SLIT3: variants seen among roughly 807,000 people sequenced by gnomAD.
SLIT3 encodes the protein slit guidance ligand 3.
Under a neutral mutation model 184.0 loss-of-function variants are expected in SLIT3, and 68 were observed. The observed-to-expected ratio is 0.37, with a 90% confidence interval of 0.30 to 0.45. The LOEUF (loss-of-function observed/expected upper bound fraction) is 0.45. Ranked by LOEUF, SLIT3 falls within the 20% of genes least tolerant of loss-of-function variation. SLIT3 has a pLI of 1.00. For missense variants in SLIT3, 1,707 were observed against 2,026.0 expected, an observed-to-expected ratio of 0.84 and a Z score of 3.02; for synonymous variants, 831 against 828.6, an observed-to-expected ratio of 1.00 and a Z score of -0.05.
intron 3 of SLIT3, among the ~76,000 whole-genome samples, chr5:169,215,151 C>T (rs949620946): frequency 6.6e-6 from 1 of 152,128 alleles, no homozygotes; most frequent in South Asian, 2.1e-4. Flanking sequence ...TGTTTTAATC[C>T]TACCTGGAAA....
At chr5:168,908,740 C>G (rs913401720) in intron 4 of SLIT3, among the ~76,000 whole-genome samples, 1 of 152,192 alleles carries the variant, frequency 6.6e-6, no homozygotes, top group East Asian at 1.9e-4. Flanking sequence ...ATCCTGAAAT[C>G]ATACGAAAAG....
At chr5:168,779,171 G>T (rs750553983) in intron 12 of SLIT3, among the ~76,000 whole-genome samples, 4 of 152,172 alleles carry the variant, frequency 2.6e-5, no homozygotes, top group Non-Finnish European at 5.9e-5. Context: ...TTTGACCAAA[G>T]TTCCACAACC....
At chr5:168,899,353 G>A (rs4516872) in intron 4 of SLIT3, among the ~76,000 whole-genome samples, 418 of 152,122 alleles carry the variant, frequency 2.7e-3, no homozygotes, top group African/African-American at 9.7e-3. Flanking sequence ...CCATCACTAC[G>A]AAAAATAAAA....
intron 23 of SLIT3, among the ~76,000 whole-genome samples, chr5:168,715,086 G>A (rs1762677150): frequency 6.6e-6 from 1 of 152,210 alleles, no homozygotes; most frequent in African/African-American, 2.4e-5. Flanking sequence ...AGCAGGCTAA[G>A]CTATTCCCAG....
intron 1 of SLIT3, among the ~76,000 whole-genome samples, chr5:169,298,125 C>T (rs1767569267): frequency 6.6e-6 from 1 of 152,136 alleles, no homozygotes; most frequent in African/African-American, 2.4e-5. Flanking sequence ...CTTGCTCCTA[C>T]AGACTGTCCC....
chr5:169,091,597 C>T (rs1193957588), intron 4 of SLIT3, among the ~76,000 whole-genome samples: 1 of 152,188 alleles, frequency 6.6e-6, no homozygotes, highest in African/African-American at 2.4e-5. Flanking sequence ...ATCACTGAAG[C>T]AAGCAGCCTC....
intron 23 of SLIT3, chr5:168,719,966 T>A (rs1012849410): frequency 6.6e-6 from 1 of 152,214 alleles, no homozygotes; most frequent in African/African-American, 2.4e-5. Flanking sequence ...CAGGCTGGAA[T>A]GCAATGGCGT....
chr5:168,761,996 C>A (rs1039775120), intron 15 of SLIT3, among the ~76,000 whole-genome samples: 2 of 145,904 alleles, frequency 1.4e-5, no homozygotes, highest in South Asian at 4.4e-4. Flanking sequence ...GTACTGAACT[C>A]CTGGCCTCAA....
intron 4 of SLIT3, among the ~76,000 whole-genome samples, chr5:169,050,438 C>T (rs1359011442): frequency 1.3e-5 from 2 of 152,140 alleles, no homozygotes; most frequent in African/African-American, 4.8e-5. Flanking sequence ...ACCAGCTTAC[C>T]CAGCACAAAG....
intron 4 of SLIT3, among the ~76,000 whole-genome samples, chr5:169,192,021 T>C (rs1399288406): frequency 6.6e-6 from 1 of 152,140 alleles, no homozygotes; most frequent in Non-Finnish European, 1.5e-5. Context: ...AATGCAGTAC[T>C]GGGTGGAGAG....
At chr5:169,198,350 T>C (rs1213302517) in intron 3 of SLIT3, among the ~76,000 whole-genome samples, 1 of 152,184 alleles carries the variant, frequency 6.6e-6, no homozygotes, top group African/African-American at 2.4e-5. Context: ...AAAGGATGAC[T>C]AGAACTCTTT....
Position 169,095,123 on chromosome 5 carries a change from C to T in SLIT3, c.413+98356G>A, listed in dbSNP as rs186396650. Among the ~76,000 whole-genome samples, 6 of 152,338 alleles carry T rather than the reference C, an allele frequency of 3.9e-5. No homozygotes were observed. In the East Asian group the frequency reaches 7.7e-4, roughly 20 times the overall value. On this transcript the variant is annotated intron_variant, in intron 4 of 35. Transcript: ENST00000519560. ...AACTTTATCTCCCTGCCCTATTTCC[C>T]GTTTCTGCCAAGTATTCCTACCAAG... is the stretch of plus-strand genomic sequence containing the variant.
At chr5:169,115,005 C>T (rs942508606) in intron 4 of SLIT3, among the ~76,000 whole-genome samples, 2 of 152,116 alleles carry the variant, frequency 1.3e-5, no homozygotes, top group Admixed American at 1.3e-4. Context: ...GCATTGGATC[C>T]TATGGTTTAG....
intron 4 of SLIT3, among the ~76,000 whole-genome samples, chr5:169,053,074 A>T (rs1424450883): frequency 1.8e-4 from 27 of 152,230 alleles, no homozygotes; most frequent in Admixed American, 1.8e-3. Flanking sequence ...AGAAGGTGTT[A>T]TACCTGTAGG....
At chr5:168,823,884 G>A (rs576181957) in intron 6 of SLIT3, among the ~76,000 whole-genome samples, 1 of 152,134 alleles carries the variant, frequency 6.6e-6, no homozygotes, top group Non-Finnish European at 1.5e-5. Flanking sequence ...GTGTTGCCTC[G>A]CACAGGATGC....
chr5:169,008,517 C>T (rs1223285442), intron 4 of SLIT3, among the ~76,000 whole-genome samples: 1 of 152,212 alleles, frequency 6.6e-6, no homozygotes, highest in Non-Finnish European at 1.5e-5. Context: ...GAGATAAGAC[C>T]TGCAGTCCCG....
intron 4 of SLIT3, among the ~76,000 whole-genome samples, chr5:169,138,498 C>T (rs984865971): frequency 6.6e-6 from 1 of 152,118 alleles, no homozygotes; most frequent in African/African-American, 2.4e-5. Flanking sequence ...CTACACAAAT[C>T]CCTTGCACAA....
intron 27 of SLIT3, among the ~76,000 whole-genome samples, chr5:168,697,289 T>G (rs1762091625): frequency 6.6e-6 from 1 of 152,212 alleles, no homozygotes; most frequent in African/African-American, 2.4e-5. Flanking sequence ...AAGATGCATT[T>G]CCTTCACTTG....
chr5:169,271,441 C>T (rs1766607778), intron 1 of SLIT3, among the ~76,000 whole-genome samples: 1 of 152,192 alleles, frequency 6.6e-6, no homozygotes, highest in Admixed American at 6.5e-5. Context: ...AAATTAAAGG[C>T]TCCTCTCTTG....
Sources: gnomAD v4.1 joint callset for allele counts (sites outside exome capture counted in the v4.1 genomes callset) on GRCh38, gnomAD v4.1.1 for gene constraint, MANE v1.5 for transcripts, NCBI Gene and HGNC (gene_info 2026-07-23, HGNC 2026-07-21) for gene names.